ZNF714: variants seen among roughly 807,000 people sequenced by gnomAD.
ZNF714 encodes the protein zinc finger protein 714.
Under a neutral mutation model 46.2 loss-of-function variants are expected in ZNF714, and 32 were observed. That is an observed-to-expected ratio of 0.69 (90% CI 0.52 to 0.93). ZNF714 has a LOEUF of 0.93. Among genes scored for constraint, ZNF714 ranks in the 40% least tolerant of loss-of-function variants. ZNF714 has a pLI of 0.00. For synonymous variants in ZNF714, 199 were observed against 213.1 expected (o/e 0.93, Z 0.58); for missense variants, 635 against 646.3 (o/e 0.98, Z 0.19).
chr19:21,082,901 A>G (rs1024313763), intron 1 of ZNF714, among the ~76,000 whole-genome samples: 2 of 152,238 alleles, frequency 1.3e-5, no homozygotes, highest in African/African-American at 4.8e-5. Context: ...TTAGGTTCAG[A>G]TACATAGTTT....
At chr19:21,100,329 C>T (rs1969147278) in intron 4 of ZNF714, among the ~76,000 whole-genome samples, 1 of 151,862 alleles carries the variant, frequency 6.6e-6, no homozygotes, top group South Asian at 2.1e-4. Context: ...TCGAGATCAG[C>T]CTGACCAACA....
In ZNF714 at chr19:21,116,917, T is replaced by A; in HGVS notation, c.253T>A (p.Leu85Ile). Residue 85 changes from leucine (L) to isoleucine (I), a missense_variant, in exon 5 of 5, where the codon TTA (leucine) becomes ATA (isoleucine). Transcript: ENST00000456283. The part of the protein sequence containing the change: ...HGKCEHENLQ[L>I]RKGSANVVEC... ...CAAATGTGAACATGAGAATTTACAG[T>A]TAAGAAAAGGCTCCGCAAATGTGGT... The A allele has an allele frequency of 6.2e-7, 1 of 1,613,888 alleles. No individual in the cohort carries two copies. The highest frequency in any genetic ancestry group is 8.5e-7 in the Non-Finnish European group (1 of 1,179,876).
rs1969726137 is a variant in ZNF714, at chr19:21,122,769, G to T, written c.*4437G>T. 6.6e-6 allele frequency: 1 copy of T among 151,932 alleles called. No homozygotes were observed. The highest frequency in any genetic ancestry group is 1.5e-5 in the Non-Finnish European group (1 of 67,988). 9.4% of individuals were successfully genotyped at this position (151,932 alleles called of 1,614,324 possible). A position where few individuals can be genotyped will look rare whatever the true frequency, so the allele number is the denominator to read the frequency against. On this transcript the variant is annotated 3_prime_UTR_variant, in exon 5 of 5. Coordinates refer to ENST00000456283, the MANE Select transcript of ZNF714 (RefSeq NM_182515.4). Reference sequence around the variant, plus strand: ...GCCATTTCATTTCGCCTGGTATTTTGTAGATTTTGATGACAAAATTCTATT... The same window carrying T: ...GCCATTTCATTTCGCCTGGTATTTTTTAGATTTTGATGACAAAATTCTATT...
intron 2 of ZNF714, among the ~76,000 whole-genome samples, chr19:21,096,732 T>TG (rs1241412764): frequency 1.3e-5 from 2 of 152,164 alleles, no homozygotes; most frequent in Non-Finnish European, 2.9e-5. Context: ...AGATTCCTAT[T>TG]GGGGGAAAGC....
At chr19:21,088,275 A>G (rs1968830866) in intron 2 of ZNF714, among the ~76,000 whole-genome samples, 1 of 152,254 alleles carries the variant, frequency 6.6e-6, no homozygotes, top group Admixed American at 6.5e-5. Context: ...TTTGTCCTAA[A>G]CATCCATCTT....
At chr19:21,085,970 C>T (rs559550828) in intron 2 of ZNF714, among the ~76,000 whole-genome samples, 46 of 151,002 alleles carry the variant, frequency 3.0e-4, no homozygotes, top group African/African-American at 1.1e-3. Flanking sequence ...TTTAGGCCAA[C>T]AAGGGCTTTC....
At position 21,082,245 on chromosome 19, in the gene ZNF714, C is replaced by A. The variant is rs1422032338; in HGVS notation, c.-280C>A. The A allele has an allele frequency of 1.6e-6, 2 of 1,265,422 alleles. No homozygotes were observed. The highest frequency in any genetic ancestry group is 2.3e-5 in the South Asian group (2 of 85,164). 78.4% of individuals were successfully genotyped at this position (1,265,422 alleles called of 1,614,324 possible). A position where few individuals can be genotyped will look rare whatever the true frequency, so the allele number is the denominator to read the frequency against. ...GAGCTGCAGGTCTCGCCTTCACTGC[C>A]CTGTGTCCTCTGCTCGCAGAGGCCC... is the stretch of plus-strand genomic sequence containing the variant. On this transcript the variant is annotated 5_prime_UTR_variant, in exon 1 of 5. Coordinates refer to ENST00000456283, the MANE Select transcript of ZNF714 (RefSeq NM_182515.4).
chr19:21,116,456 A>G (rs553474609), intron 4 of ZNF714, among the ~76,000 whole-genome samples: 1 of 152,326 alleles, frequency 6.6e-6, no homozygotes, highest in South Asian at 2.1e-4. Context: ...TTATTAAAAA[A>G]GAAACCAAAA....
chr19:21,091,404 T>G (rs1211112372), intron 2 of ZNF714: 1 of 152,178 alleles, frequency 6.6e-6, no homozygotes, highest in Non-Finnish European at 1.5e-5. Context: ...TATCTCACCT[T>G]GTGAGTTAGA....
chr19:21,109,433 T>C (rs1969396151), intron 4 of ZNF714, among the ~76,000 whole-genome samples: 1 of 152,104 alleles, frequency 6.6e-6, no homozygotes, highest in Non-Finnish European at 1.5e-5. Context: ...GTTGTCTAGG[T>C]TGGTCTCAAA....
chr19:21,115,694 G>A (rs941256945), intron 4 of ZNF714, among the ~76,000 whole-genome samples: 1 of 151,294 alleles, frequency 6.6e-6, no homozygotes, highest in South Asian at 2.1e-4. Context: ...TCTTGTCTGT[G>A]GTTTTTGAAA....
chr19:21,114,019 CTT>C lies in ZNF714; in HGVS notation c.143-2786_143-2785del, dbSNP rs1188981624. Among the ~76,000 whole-genome samples the C allele has an allele frequency of 5.3e-5, 8 of 152,318 alleles. No individual in the cohort carries two copies. The East Asian group carries it at 1.3e-3, about 26-fold the overall frequency. On this transcript the variant is annotated intron_variant, in intron 4 of 4. Transcript: ENST00000456283. Reference sequence around the variant, plus strand: ...TATTATTATGTGGAAGTCTAAGTCTCTTTATAGTTCTCTAAGAATGTGTTTTA... The same window carrying C: ...TATTATTATGTGGAAGTCTAAGTCTCTATAGTTCTCTAAGAATGTGTTTTA...
At chr19:21,089,403 G>T (rs13345905) in intron 2 of ZNF714, among the ~76,000 whole-genome samples, 8,666 of 152,152 alleles carry the variant, frequency 0.057, 809 homozygotes, top group African/African-American at 0.2. Flanking sequence ...TCTGGTTTTT[G>T]AATTTTACCA....
chr19:21,087,330 G>A (rs1297496744), intron 2 of ZNF714, among the ~76,000 whole-genome samples: 1 of 150,888 alleles, frequency 6.6e-6, no homozygotes, highest in African/African-American at 2.4e-5. Flanking sequence ...TATACACTTA[G>A]TCATTAGAAT....
At chr19:21,113,403 TC>T (rs1969508483) in intron 4 of ZNF714, among the ~76,000 whole-genome samples, 1 of 152,120 alleles carries the variant, frequency 6.6e-6, no homozygotes, top group South Asian at 2.1e-4. Context: ...TGTTACACTG[TC>T]ACCCAGGCTG....
intron 4 of ZNF714, among the ~76,000 whole-genome samples, chr19:21,110,506 A>G (rs1969427293): frequency 6.6e-6 from 1 of 152,132 alleles, no homozygotes; most frequent in Non-Finnish European, 1.5e-5. Context: ...CTTTTGTCAG[A>G]TGGATAGATT....
chr19:21,097,896 T>C (rs984966893), intron 2 of ZNF714, among the ~76,000 whole-genome samples: 1 of 152,202 alleles, frequency 6.6e-6, no homozygotes, highest in Non-Finnish European at 1.5e-5. Flanking sequence ...CAACTCATTA[T>C]GATGTAAATA....
intron 4 of ZNF714, among the ~76,000 whole-genome samples, chr19:21,115,599 A>G (rs925612027): frequency 1.3e-5 from 2 of 151,822 alleles, no homozygotes; most frequent in Non-Finnish European, 2.9e-5. Context: ...CTGGCCTGCA[A>G]AGCTTTTGTT....
intron 4 of ZNF714, among the ~76,000 whole-genome samples, chr19:21,113,848 G>A (rs1319594185): frequency 6.6e-6 from 1 of 152,026 alleles, no homozygotes; most frequent in Non-Finnish European, 1.5e-5. Context: ...GTGGAACTTA[G>A]AAGAATGTGT....
Sources: allele counts gnomAD v4.1 joint callset (sites outside exome capture counted in the v4.1 genomes callset), GRCh38; gene constraint gnomAD v4.1.1; transcripts MANE v1.5; gene names NCBI Gene and HGNC (gene_info 2026-07-23, HGNC 2026-07-21).